EXT1: variants seen among roughly 807,000 people sequenced by gnomAD.
The protein encoded by EXT1 is exostosin-1.
A neutral mutation model predicts 82.5 loss-of-function variants in EXT1; 20 were observed. The ratio of observed to expected loss-of-function variants is 0.24; its 90% confidence interval spans 0.17 to 0.35. The LOEUF (loss-of-function observed/expected upper bound fraction) is 0.35, where lower values mean the gene tolerates loss of function less well. Among genes scored for constraint, EXT1 ranks in the 10% least tolerant of loss-of-function variants. EXT1 has a pLI of 1.00. For synonymous variants in EXT1, 348 were observed against 350.8 expected, an observed-to-expected ratio of 0.99 and a Z score of 0.09; for missense variants, 757 against 936.5, an observed-to-expected ratio of 0.81 and a Z score of 2.50.
chr8:118,037,762 T>C (rs974175667), intron 1 of EXT1, among the ~76,000 whole-genome samples: 3 of 152,160 alleles, frequency 2.0e-5, no homozygotes, highest in Non-Finnish European at 4.4e-5. Context: ...GGTGAGTTAG[T>C]TCCAGCCTTT....
intron 1 of EXT1, among the ~76,000 whole-genome samples, chr8:117,850,646 T>G (rs981533205): frequency 6.6e-6 from 1 of 152,224 alleles, no homozygotes; most frequent in Non-Finnish European, 1.5e-5. Flanking sequence ...AAGTCAGAGC[T>G]AAAGCTAGAT....
At chr8:117,864,478 A>G (rs1448382178) in intron 1 of EXT1, among the ~76,000 whole-genome samples, 1 of 152,248 alleles carries the variant, frequency 6.6e-6, no homozygotes, top group African/African-American at 2.4e-5. Context: ...GATCAGGAGC[A>G]GTGGCTCACG....
intron 1 of EXT1, among the ~76,000 whole-genome samples, chr8:118,039,438 T>G (rs926371447): frequency 6.6e-6 from 1 of 151,222 alleles, no homozygotes; most frequent in South Asian, 2.1e-4. Flanking sequence ...TGCACGCCTG[T>G]AATCCCAGTT....
chr8:117,830,150 C>T (rs2129771659), intron 4 of EXT1, 80 bp downstream of exon 4: 1 of 1,590,716 alleles, frequency 6.3e-7, no homozygotes, highest in East Asian at 2.2e-5. Flanking sequence ...AATCACACAT[C>T]CCTAATAGCA....
chr8:118,009,702 C>T (rs1041535916), intron 1 of EXT1, among the ~76,000 whole-genome samples: 15 of 152,088 alleles, frequency 9.9e-5, no homozygotes, highest in African/African-American at 3.4e-4. Flanking sequence ...GAGAGTGAAC[C>T]CTATTGTGAA....
intron 1 of EXT1, among the ~76,000 whole-genome samples, chr8:117,940,038 T>C (rs1814242682): frequency 6.6e-6 from 1 of 152,240 alleles, no homozygotes; most frequent in Non-Finnish European, 1.5e-5. Context: ...GGGTCCACCA[T>C]GGATGTCCCA....
chr8:118,063,409 C>T (rs538972453), intron 1 of EXT1, among the ~76,000 whole-genome samples: 4 of 152,278 alleles, frequency 2.6e-5, no homozygotes, highest in Non-Finnish European at 4.4e-5. Flanking sequence ...TATTTTTCCA[C>T]CTCCCACAAA....
chr8:117,946,808 C>T (rs974429072), intron 1 of EXT1, among the ~76,000 whole-genome samples: 2 of 152,202 alleles, frequency 1.3e-5, no homozygotes, highest in African/African-American at 4.8e-5. Context: ...AGGGATTTTC[C>T]ACCTTCCTCT....
At chr8:117,950,083 A>G (rs1001038267) in intron 1 of EXT1, among the ~76,000 whole-genome samples, 3 of 152,090 alleles carry the variant, frequency 2.0e-5, no homozygotes, top group African/African-American at 4.8e-5. Flanking sequence ...ACAAAAAAAC[A>G]AAAACAAATT....
At chr8:117,999,447 C>G (rs17505086) in intron 1 of EXT1, among the ~76,000 whole-genome samples, 3,168 of 152,284 alleles carry the variant, frequency 0.021, 129 homozygotes, top group African/African-American at 0.072. Context: ...TGTGATGAAG[C>G]AGTATGATCT....
intron 1 of EXT1, among the ~76,000 whole-genome samples, chr8:117,872,155 A>AAAGG (rs1421053864): frequency 6.7e-6 from 1 of 149,528 alleles, no homozygotes; most frequent in Non-Finnish European, 1.5e-5. Context: ...AAGAAAAGGA[A>AAAGG]AAGGAAGGGA....
chr8:117,896,670 G>T (rs544379679), intron 1 of EXT1, among the ~76,000 whole-genome samples: 1 of 152,266 alleles, frequency 6.6e-6, no homozygotes, highest in South Asian at 2.1e-4. Flanking sequence ...CCTTCACACA[G>T]CAGCAAAGTG....
intron 1 of EXT1, among the ~76,000 whole-genome samples, chr8:117,933,353 TCTC>T (rs1024163196): frequency 5.3e-5 from 8 of 151,968 alleles, no homozygotes; most frequent in African/African-American, 1.4e-4. Flanking sequence ...TTCAAGCAAT[TCTC>T]CTGTCTCAGC....
intron 4 of EXT1, among the ~76,000 whole-genome samples, chr8:117,824,306 T>C (rs1586998714): frequency 6.6e-6 from 1 of 152,252 alleles, no homozygotes; most frequent in Middle Eastern, 3.2e-3. Flanking sequence ...GTCATTGTCA[T>C]AGACTATCTT....
At chr8:117,947,614 TA>T (rs1432875782) in intron 1 of EXT1, among the ~76,000 whole-genome samples, 6 of 152,212 alleles carry the variant, frequency 3.9e-5, no homozygotes, top group African/African-American at 1.4e-4. Context: ...AAAAGTTGCC[TA>T]ACTTGCAACA....
chr8:117,895,306 C>T (rs1396589749), intron 1 of EXT1, among the ~76,000 whole-genome samples: 1 of 152,102 alleles, frequency 6.6e-6, no homozygotes, highest in Admixed American at 6.5e-5. Flanking sequence ...GAGTTATAAA[C>T]GGGTTTCAAT....
chr8:118,042,702 T>A (rs1225868843), intron 1 of EXT1, among the ~76,000 whole-genome samples: 1 of 152,190 alleles, frequency 6.6e-6, no homozygotes, highest in Non-Finnish European at 1.5e-5. Flanking sequence ...TATATTTCCA[T>A]TCAACTTATA....
At chr8:117,886,445 C>T (rs1813149055) in intron 1 of EXT1, among the ~76,000 whole-genome samples, 1 of 152,152 alleles carries the variant, frequency 6.6e-6, no homozygotes, top group Non-Finnish European at 1.5e-5. Flanking sequence ...TTGGTGCTAC[C>T]TGCTATGTCC....
intron 1 of EXT1, among the ~76,000 whole-genome samples, chr8:117,904,351 G>A (rs773450238): frequency 3.9e-5 from 6 of 152,108 alleles, no homozygotes; most frequent in Admixed American, 1.3e-4. Flanking sequence ...AAAGAATGAA[G>A]GTAAACGCAG....
Sources: allele counts gnomAD v4.1 joint callset (sites outside exome capture counted in the v4.1 genomes callset), GRCh38; gene constraint gnomAD v4.1.1; transcripts MANE v1.5; gene names NCBI Gene and HGNC (gene_info 2026-07-23, HGNC 2026-07-21).